FAM114A2: variants seen among roughly 807,000 people sequenced by gnomAD.
FAM114A2 encodes protein FAM114A2.
FAM114A2 carries 53 observed loss-of-function variants against 58.4 expected under a neutral mutation model. That is an observed-to-expected ratio of 0.91 (90% CI 0.73 to 1.14). FAM114A2 has a LOEUF of 1.14. FAM114A2 is among the 50% of genes most tolerant of loss of function. The pLI is 0.00. For missense variants in FAM114A2, 601 were observed against 581.1 expected (o/e 1.03, Z -0.35); for synonymous variants, 228 against 211.4 (o/e 1.08, Z -0.68).
At chr5:154,009,085 C>T (rs1007148379) in intron 9 of FAM114A2, among the ~76,000 whole-genome samples, 1 of 152,194 alleles carries the variant, frequency 6.6e-6, no homozygotes, top group Non-Finnish European at 1.5e-5. Context: ...AGCCTAGAAT[C>T]AAAGCCATGC....
In FAM114A2 at chr5:153,993,044, G is replaced by C; in HGVS notation, c.1450C>G (p.Leu484Val). The C allele has an allele frequency of 1.1e-5, 17 of 1,613,472 alleles. No individual in the cohort carries two copies. Among genetic ancestry groups the C allele is most frequent in the Non-Finnish European group, 1.4e-5 (17 of 1,179,468 alleles). Reference sequence around the variant, plus strand: ...TGTGATTCAATCTTGTTCTCAATGAGAGAGATCTCTAGCACAGGTAAGAGT... The same window carrying C: ...TGTGATTCAATCTTGTTCTCAATGACAGAGATCTCTAGCACAGGTAAGAGT... ...QLLLPVLEIS[L>V]IENKIESHRH... The change falls in exon 14 of 14, where the codon CTC becomes GTC. Residue 484 changes from leucine to valine, a missense_variant. Physicochemically the swap from Leu to Val is conservative, Grantham distance 32 (BLOSUM62 1). Transcript: ENST00000351797.
intron 1 of FAM114A2, among the ~76,000 whole-genome samples, chr5:154,036,571 AGGCAGACTGGATGC>A (rs1477816772): frequency 1.3e-5 from 2 of 152,202 alleles, no homozygotes; most frequent in Non-Finnish European, 2.9e-5. Context: ...ATTAAAACTA[AGGCAGACTGGATGC>A]AGCACTATAA....
chr5:154,005,443 A>C (rs868220379), intron 9 of FAM114A2, among the ~76,000 whole-genome samples: 25 of 152,260 alleles, frequency 1.6e-4, no homozygotes, highest in African/African-American at 5.8e-4. Flanking sequence ...TATCAGCAAA[A>C]AGAAGTGTTC....
At chr5:154,029,372 T>C (rs919925894) in intron 5 of FAM114A2, 117 bp downstream of exon 5, 4 of 635,162 alleles carry the variant, frequency 6.3e-6, no homozygotes, top group African/African-American at 3.7e-5. Context: ...CTTCAGTGGC[T>C]TGGACTCCTT....
chr5:153,998,224 C>T (rs1474371769), intron 11 of FAM114A2, among the ~76,000 whole-genome samples: 1 of 152,230 alleles, frequency 6.6e-6, no homozygotes, highest in Non-Finnish European at 1.5e-5. Context: ...ATCCACAGAA[C>T]CCACTCATTA....
At chr5:153,995,394 C>T (rs1769490085) in intron 12 of FAM114A2, 1 of 153,780 alleles carries the variant, frequency 6.5e-6, no homozygotes, top group African/African-American at 2.4e-5. Context: ...AGTTGATATG[C>T]TGGCTTAAAG....
intron 8 of FAM114A2, among the ~76,000 whole-genome samples, chr5:154,017,259 A>C (rs976487272): frequency 6.6e-6 from 1 of 152,196 alleles, no homozygotes; most frequent in African/African-American, 2.4e-5. Flanking sequence ...CCTGACAAAC[A>C]TAGAGAAACC....
chr5:154,004,216 A>ATC (rs1356770178), intron 9 of FAM114A2, among the ~76,000 whole-genome samples: 20 of 152,182 alleles, frequency 1.3e-4, no homozygotes, highest in African/African-American at 4.6e-4. Context: ...CTGATAATGA[A>ATC]TCTAGTTTTC....
intron 9 of FAM114A2, among the ~76,000 whole-genome samples, chr5:154,007,346 C>G (rs527688802): frequency 6.6e-6 from 1 of 152,092 alleles, no homozygotes; most frequent in African/African-American, 2.4e-5. Flanking sequence ...AATAATGAGG[C>G]CCACAGAAGA....
chr5:153,993,184 G>A (rs1181749571), intron 13 of FAM114A2, 74 bp from the exon 14 acceptor site: 10 of 1,191,490 alleles, frequency 8.4e-6, no homozygotes, highest in Non-Finnish European at 1.1e-5. Flanking sequence ...AAGGCAACAG[G>A]GGAACAGATT....
chr5:154,027,084 C>T (rs9324765), intron 7 of FAM114A2, 92 bp downstream of exon 7: 691,556 of 1,066,356 alleles, frequency 0.65, 226,569 homozygotes, highest in East Asian at 0.87. Flanking sequence ...AAAACATACA[C>T]TTCATCTTCC....
At chr5:154,007,924 G>A (rs1770457111) in intron 9 of FAM114A2, among the ~76,000 whole-genome samples, 1 of 152,160 alleles carries the variant, frequency 6.6e-6, no homozygotes. Context: ...GCTCACAGAG[G>A]TCAAGCAATT....
intron 1 of FAM114A2, among the ~76,000 whole-genome samples, 152 bp from the exon 2 acceptor site, chr5:154,035,119 T>C (rs147147074): frequency 1.7e-4 from 26 of 152,332 alleles, no homozygotes; most frequent in Middle Eastern, 3.4e-3. Context: ...TTTCCCCCAA[T>C]GGTAAAACTT....
At chr5:154,007,318 AT>A (rs1770419795) in intron 9 of FAM114A2, among the ~76,000 whole-genome samples, 1 of 152,142 alleles carries the variant, frequency 6.6e-6, no homozygotes, top group Non-Finnish European at 1.5e-5. Context: ...CCAAAAGCTT[AT>A]TTATTTCCAA....
rs1224921643 is a variant in FAM114A2, at chr5:154,027,487, G to A, written c.631-153C>T. ...CTATTCAAATCTGGTGGGCTCAGGA[G>A]CTGCAGAAAGAAAAACGATCACACA... On this transcript the variant is annotated intron_variant, in intron 6 of 13. Transcript: ENST00000351797. 3 of 518,758 alleles carry A rather than the reference G, an allele frequency of 5.8e-6. No individual in the cohort carries two copies. The African/African-American group carries it at 5.9e-5, about 10-fold the overall frequency. 32.1% of individuals were successfully genotyped at this position (518,758 alleles called of 1,614,324 possible).
intron 11 of FAM114A2, among the ~76,000 whole-genome samples, chr5:154,001,891 T>C (rs545621880): frequency 6.6e-6 from 1 of 152,216 alleles, no homozygotes; most frequent in South Asian, 2.1e-4. Flanking sequence ...TACATGCAAA[T>C]CCCTTAGCAT....
At chr5:154,001,131 C>T (rs1769942204) in intron 11 of FAM114A2, among the ~76,000 whole-genome samples, 1 of 152,310 alleles carries the variant, frequency 6.6e-6, no homozygotes, top group Non-Finnish European at 1.5e-5. Context: ...TGGATTTCAA[C>T]TTACTTGCTA....
intron 1 of FAM114A2, among the ~76,000 whole-genome samples, chr5:154,036,030 GA>G (rs1581846494): frequency 6.6e-6 from 1 of 152,026 alleles, no homozygotes; most frequent in South Asian, 2.1e-4. Flanking sequence ...TTTCTAATGA[GA>G]TTTTTTTTTT....
At position 154,002,400 on chromosome 5, in the gene FAM114A2, A is replaced by G. The variant is rs1372612692; in HGVS notation, c.1117-10T>C. 5 of 1,612,324 alleles carry G rather than the reference A, an allele frequency of 3.1e-6. No individual in the cohort carries two copies. The highest frequency in any genetic ancestry group is 4.2e-6 in the Non-Finnish European group (5 of 1,178,608). On this transcript the variant is annotated splice_polypyrimidine_tract_variant and intron_variant, in intron 10 of 13. Transcript: ENST00000351797. ...CAAACGCATGGATATCCTGGATGGAAAAACAAAACAAAGCATAGCAAAACA... is the reference window on the plus strand; with the variant it reads ...CAAACGCATGGATATCCTGGATGGAGAAACAAAACAAAGCATAGCAAAACA...
Sources: gnomAD v4.1 joint callset for allele counts (sites outside exome capture counted in the v4.1 genomes callset) on GRCh38, gnomAD v4.1.1 for gene constraint, MANE v1.5 for transcripts, NCBI Gene and HGNC (gene_info 2026-07-23, HGNC 2026-07-21) for gene names.